The following GNAL variants were observed in gnomAD, a reference collection of about 807,000 sequenced individuals.
GNAL encodes the protein G protein subunit alpha L, also known as guanine nucleotide-binding protein G(olf) subunit alpha.
Under a neutral mutation model 55.1 loss-of-function variants are expected in GNAL, and 18 were observed. The observed-to-expected ratio is 0.33, with a 90% CI of 0.23 to 0.48. GNAL has a LOEUF of 0.48. Ranked by LOEUF, GNAL falls within the 20% of genes least tolerant of loss-of-function variation. The pLI, the probability that GNAL is intolerant of heterozygous loss-of-function variation, is 0.99. For missense variants in GNAL, 412 were observed against 614.1 expected, an observed-to-expected ratio of 0.67 and a Z score of 3.48; for synonymous variants, 253 against 237.0, an observed-to-expected ratio of 1.07 and a Z score of -0.62.
chr18:11,787,604 G>A (rs1458032048), intron 4 of GNAL, among the ~76,000 whole-genome samples: 1 of 152,202 alleles, frequency 6.6e-6, no homozygotes, highest in Non-Finnish European at 1.5e-5. Context: ...CGGGCGCGGT[G>A]GCCCACGCCT....
intron 4 of GNAL, among the ~76,000 whole-genome samples, chr18:11,794,184 A>T (rs2034315738): frequency 6.6e-6 from 1 of 152,238 alleles, no homozygotes; most frequent in African/African-American, 2.4e-5. Flanking sequence ...TGTGGAAAAC[A>T]GTTTGGTTGT....
In GNAL at chr18:11,848,715, C is replaced by T. The variant is rs763124265; in HGVS notation, c.723-13680C>T. ...CAAGCGATCCACCCACCTCAGCCCC[C>T]CAAAGTGCTAGGATTACATTCCTGA... On this transcript the variant is annotated intron_variant, in intron 5 of 11. Transcript: ENST00000334049. Among the ~76,000 whole-genome samples, 45 of 152,176 alleles carry T rather than the reference C, an allele frequency of 3.0e-4. 1 individual carries two copies. The Middle Eastern group carries it at 0.01, about 35-fold the overall frequency.
Position 11,885,190 on chromosome 18 carries a change from C to G in GNAL, c.*4055C>G, listed in dbSNP as rs114081424. 380 of 519,318 alleles carry G rather than the reference C, an allele frequency of 7.3e-4. No homozygotes were observed. The highest frequency in any genetic ancestry group is 7.1e-3 in the African/African-American group (345 of 48,446). The allele number at this position is 519,318 out of a possible 1,614,324, so 32.2% of individuals were successfully genotyped here. A position where few individuals can be genotyped will look rare whatever the true frequency, so the allele number is the denominator to read the frequency against. ...CTTTTTATGAAGTAAAAGAACCTGT[C>G]GTACCAGCATCATGAGCTGGATGCA... On this transcript the variant is annotated 3_prime_UTR_variant, in exon 12 of 12. Coordinates refer to ENST00000334049, the MANE Select transcript of GNAL (RefSeq NM_182978.4).
intron 2 of GNAL, 69 bp from the exon 3 acceptor site, chr18:11,753,559 A>T (rs1476652228): frequency 9.9e-7 from 1 of 1,006,136 alleles, no homozygotes; most frequent in South Asian, 1.3e-5. Flanking sequence ...GAAATTTAAA[A>T]TCCCACTCAA....
chr18:11,809,103 CA>C (rs1426513790), intron 4 of GNAL, among the ~76,000 whole-genome samples: 1 of 152,078 alleles, frequency 6.6e-6, no homozygotes, highest in Non-Finnish European at 1.5e-5. Context: ...ACCTAAAAAA[CA>C]AAAATTAGCT....
chr18:11,851,267 G>A, intron 5 of GNAL: 4 of 477,620 alleles, frequency 8.4e-6, no homozygotes, highest in South Asian at 7.4e-5. Context: ...GGAGCGTCCA[G>A]CCAGAATCCC....
At position 11,879,064 on chromosome 18, in the gene GNAL, C is replaced by G. The variant is rs577670473; in HGVS notation, c.1231-1925C>G. On this transcript the variant is annotated intron_variant, in intron 11 of 11. Transcript: ENST00000334049. ...GGCACATGTATACATATGTAACAAA[C>G]CTGCACGTTGTGCACATGTATCCTA... Among the ~76,000 whole-genome samples the G allele has an allele frequency of 6.7e-5, 10 of 149,394 alleles. No individual in the cohort carries two copies. In the South Asian group the frequency reaches 2.1e-3, roughly 32 times the overall value.
intron 5 of GNAL, among the ~76,000 whole-genome samples, chr18:11,856,281 T>C (rs2036006274): frequency 6.6e-6 from 1 of 151,416 alleles, no homozygotes; most frequent in African/African-American, 2.5e-5. Context: ...TTTTTCTACA[T>C]TAGATTGCAA....
At chr18:11,754,182 A>G (rs1307403382) in intron 4 of GNAL, among the ~76,000 whole-genome samples, 1 of 152,150 alleles carries the variant, frequency 6.6e-6, no homozygotes, top group Non-Finnish European at 1.5e-5. Context: ...TGGGAGGCCG[A>G]GGCGGGCAGA....
In GNAL at chr18:11,882,352, T is replaced by G. The variant is rs2036716267; in HGVS notation, c.*1217T>G. On this transcript the variant is annotated 3_prime_UTR_variant, in exon 12 of 12. Transcript: ENST00000334049. ...TCCATCATTCCCTTAGTCAAAACTT[T>G]GGACACAGGCTACGTCATACAAGTA... 1 of 152,176 alleles carries G rather than the reference T, an allele frequency of 6.6e-6. No individual in the cohort carries two copies. The highest frequency in any genetic ancestry group is 2.1e-4 in the South Asian group (1 of 4,832). 9.4% of individuals were successfully genotyped at this position (152,176 alleles called of 1,614,324 possible). A position where few individuals can be genotyped will look rare whatever the true frequency, so the allele number is the denominator to read the frequency against.
chr18:11,861,111 T>A (rs1043205439), intron 5 of GNAL, among the ~76,000 whole-genome samples: 10 of 152,140 alleles, frequency 6.6e-5, no homozygotes, highest in Non-Finnish European at 1.5e-4. Flanking sequence ...TGCCTCTACC[T>A]ACCAAAGGAC....
chr18:11,767,315 CACTT>C (rs1456254598), intron 4 of GNAL, among the ~76,000 whole-genome samples: 1 of 151,388 alleles, frequency 6.6e-6, no homozygotes, highest in Non-Finnish European at 1.5e-5. Flanking sequence ...TGTGCCTTTA[CACTT>C]GCATGCTTAC....
chr18:11,730,263 G>A (rs1186708376), intron 1 of GNAL, among the ~76,000 whole-genome samples: 14 of 151,194 alleles, frequency 9.3e-5, no homozygotes, highest in East Asian at 8.0e-4. Context: ...AGGTTCAAGC[G>A]ATTCTTCTGC....
In GNAL at chr18:11,864,111, G is replaced by A. The variant is rs533322957; in HGVS notation, c.778-422G>A. ...CTTTTTTTTTTTTTTTTTTTGAGAC[G>A]GAGTCTCACTCGTCACCCAGGCTGG... On this transcript the variant is annotated intron_variant, in intron 6 of 11. Coordinates refer to ENST00000334049, the MANE Select transcript of GNAL (RefSeq NM_182978.4). 2.5e-4 allele frequency among the ~76,000 whole-genome samples: 32 copies of A among 130,322 alleles called. 1 individual carries two copies. Among genetic ancestry groups the A allele is most frequent in the African/African-American group, 1.1e-3 (28 of 25,816 alleles). The allele number at this position is 130,322 out of a possible 152,430, so 85.5% of individuals were successfully genotyped here.
At chr18:11,840,478 A>G (rs2035589382) in intron 5 of GNAL, among the ~76,000 whole-genome samples, 1 of 152,226 alleles carries the variant, frequency 6.6e-6, no homozygotes. Context: ...TTAAAATAGG[A>G]GACTCAGCAG....
At chr18:11,870,851 C>T (rs963264136) in intron 9 of GNAL, among the ~76,000 whole-genome samples, 1 of 152,076 alleles carries the variant, frequency 6.6e-6, no homozygotes, top group African/African-American at 2.4e-5. Flanking sequence ...ATGAAATGTT[C>T]AACAACCATC....
intron 4 of GNAL, among the ~76,000 whole-genome samples, chr18:11,765,563 C>T (rs757944860): frequency 2.0e-5 from 3 of 152,198 alleles, no homozygotes; most frequent in Non-Finnish European, 4.4e-5. Context: ...TCTTCACCCA[C>T]CTCCCCACTA....
At chr18:11,750,222 C>CCCTT (rs1366094228) in intron 1 of GNAL, among the ~76,000 whole-genome samples, 1 of 152,086 alleles carries the variant, frequency 6.6e-6, no homozygotes, top group African/African-American at 2.4e-5. Context: ...AAATTAGGGG[C>CCCTT]CCTTATTCCA....
At chr18:11,854,962 G>A (rs906452660) in intron 5 of GNAL, among the ~76,000 whole-genome samples, 4 of 152,098 alleles carry the variant, frequency 2.6e-5, no homozygotes, top group Non-Finnish European at 2.9e-5. Context: ...TCTCACTGTC[G>A]CCCAGGCTGA....
Sources: gnomAD v4.1 joint callset for allele counts (sites outside exome capture counted in the v4.1 genomes callset) on GRCh38, gnomAD v4.1.1 for gene constraint, MANE v1.5 for transcripts, NCBI Gene and HGNC (gene_info 2026-07-23, HGNC 2026-07-21) for gene names.